Variants in KLHL29 observed in about 807,000 individuals in gnomAD.
The protein encoded by KLHL29 is kelch like family member 29, also known as kelch-like protein 29.
Under a neutral mutation model 80.4 loss-of-function variants are expected in KLHL29, and 21 were observed. That is an observed-to-expected ratio of 0.26 (90% CI 0.19 to 0.38). The LOEUF (loss-of-function observed/expected upper bound fraction) is 0.38, where lower values mean the gene tolerates loss of function less well. KLHL29 is among the 10% of genes least tolerant of loss of function. KLHL29 has a pLI of 1.00. For synonymous variants in KLHL29, 511 were observed against 526.8 expected (o/e 0.97, Z 0.41); for missense variants, 867 against 1,223.9 (o/e 0.71, Z 4.35).
chr2:23,428,024 C>A (rs565494159), intron 1 of KLHL29, among the ~76,000 whole-genome samples: 33 of 152,330 alleles, frequency 2.2e-4, no homozygotes, highest in Non-Finnish European at 1.5e-4. Context: ...GATTAGCCAT[C>A]AGCATGCGTG....
At chr2:23,393,216 G>C (rs1249971994) in intron 1 of KLHL29, among the ~76,000 whole-genome samples, 2 of 152,184 alleles carry the variant, frequency 1.3e-5, no homozygotes, top group African/African-American at 4.8e-5. Context: ...AGACATCAAA[G>C]CTGACTTTTT....
chr2:23,685,526 T>C (rs1671218512), intron 6 of KLHL29: 1 of 152,274 alleles, frequency 6.6e-6, no homozygotes, highest in African/African-American at 2.4e-5. Flanking sequence ...CCGGAGTGAC[T>C]GTGTTTTGTT....
chr2:23,443,668 T>C (rs1223383743), intron 1 of KLHL29, among the ~76,000 whole-genome samples: 1 of 152,244 alleles, frequency 6.6e-6, no homozygotes, highest in East Asian at 1.9e-4. Flanking sequence ...AGATGCAGGT[T>C]ATGCACTTTT....
At chr2:23,677,229 G>A (rs551615072) in intron 5 of KLHL29, among the ~76,000 whole-genome samples, 39 of 152,320 alleles carry the variant, frequency 2.6e-4, no homozygotes, top group Admixed American at 7.2e-4. Flanking sequence ...CTGTAGGCAC[G>A]GAGGGGACCT....
At chr2:23,494,361 T>C (rs1480960072) in intron 2 of KLHL29, among the ~76,000 whole-genome samples, 1 of 152,192 alleles carries the variant, frequency 6.6e-6, no homozygotes, top group Non-Finnish European at 1.5e-5. Context: ...TCTGGGAAGC[T>C]GGGTCAGGCA....
Position 23,702,904 on chromosome 2 carries a change from A to G in KLHL29, c.2106-282A>G, listed in dbSNP as rs536018485. Among the ~76,000 whole-genome samples the G allele has an allele frequency of 9.8e-5, 14 of 142,548 alleles. No individual in the cohort carries two copies. In the South Asian group the frequency reaches 3.0e-3, roughly 30 times the overall value. The allele number at this position is 142,548 out of a possible 152,430, so 93.5% of individuals were successfully genotyped here. A position where few individuals can be genotyped will look rare whatever the true frequency, so the allele number is the denominator to read the frequency against. On this transcript the variant is annotated intron_variant, in intron 11 of 13. Coordinates refer to ENST00000486442, the MANE Select transcript of KLHL29 (RefSeq NM_052920.2). Reference sequence around the variant, plus strand: ...TGAGCTGGATAGAGAGGAGGGGAGCACTGTGTGAGCAAAGGGATGGAGACA... The same window carrying G: ...TGAGCTGGATAGAGAGGAGGGGAGCGCTGTGTGAGCAAAGGGATGGAGACA...
chr2:23,436,838 T>G (rs1340117212), intron 1 of KLHL29, among the ~76,000 whole-genome samples: 1 of 152,218 alleles, frequency 6.6e-6, no homozygotes, highest in Non-Finnish European at 1.5e-5. Flanking sequence ...TGCCTTAGAC[T>G]TGGGAGCTGT....
At chr2:23,428,779 A>T (rs1291678895) in intron 1 of KLHL29, among the ~76,000 whole-genome samples, 1 of 152,214 alleles carries the variant, frequency 6.6e-6, no homozygotes, top group East Asian at 1.9e-4. Flanking sequence ...AAGATTTTAC[A>T]TGATGCAAGG....
chr2:23,488,547 C>T (rs749464367), intron 2 of KLHL29, among the ~76,000 whole-genome samples: 1 of 152,228 alleles, frequency 6.6e-6, no homozygotes, highest in Non-Finnish European at 1.5e-5. Context: ...TGGGTGGGAG[C>T]TGTGCCCAGA....
At chr2:23,450,518 C>T (rs1268530789) in intron 1 of KLHL29, among the ~76,000 whole-genome samples, 3 of 152,032 alleles carry the variant, frequency 2.0e-5, no homozygotes, top group Non-Finnish European at 2.9e-5. Flanking sequence ...TTAGGGGCTG[C>T]CCCCAAGACT....
At chr2:23,699,556 C>A (rs1203414674) in intron 11 of KLHL29, among the ~76,000 whole-genome samples, 2 of 152,210 alleles carry the variant, frequency 1.3e-5, no homozygotes, top group Non-Finnish European at 2.9e-5. Context: ...TCTGCTTTTC[C>A]CAGCAGCTGC....
chr2:23,681,576 G>A lies in KLHL29; in HGVS notation c.941-2823G>A, dbSNP rs946847852. ...ACTGATTAACTCAGCAGGCATGTGGGGCCACATCTGTCACTCTCTGCAGCA... is the reference window on the plus strand; with the variant it reads ...ACTGATTAACTCAGCAGGCATGTGGAGCCACATCTGTCACTCTCTGCAGCA... On this transcript the variant is annotated intron_variant, in intron 5 of 13. Transcript: ENST00000486442. The surrounding 1 kb of genome is among the most constrained non-coding windows in gnomAD (Gnocchi z 4.2). Among the ~76,000 whole-genome samples, 8 of 152,138 alleles carry A rather than the reference G, an allele frequency of 5.3e-5. No individual in the cohort carries two copies. Among genetic ancestry groups the A allele is most frequent in the African/African-American group, 1.7e-4 (7 of 41,426 alleles).
chr2:23,581,090 A>T (rs1332400906), intron 3 of KLHL29, among the ~76,000 whole-genome samples: 6 of 150,754 alleles, frequency 4.0e-5, no homozygotes, highest in South Asian at 2.1e-4. Flanking sequence ...CTGGAGGCTT[A>T]TTTTTTTTTT....
intron 3 of KLHL29, among the ~76,000 whole-genome samples, chr2:23,636,412 A>G (rs940247926): frequency 2.0e-5 from 3 of 152,196 alleles, no homozygotes; most frequent in African/African-American, 7.2e-5. Flanking sequence ...AAAAAAAAAA[A>G]AAGACTTGAT....
chr2:23,408,395 T>A (rs1666784698), intron 1 of KLHL29, among the ~76,000 whole-genome samples: 1 of 151,940 alleles, frequency 6.6e-6, no homozygotes, highest in South Asian at 2.1e-4. Context: ...TTATTGAGTC[T>A]TCTCATTCAG....
rs147845878 is a variant in KLHL29 at position 23,591,180 on chromosome 2, T to G, written c.285+28699T>G. Among the ~76,000 whole-genome samples the G allele has an allele frequency of 1.4e-4, 22 of 152,258 alleles. No individual in the cohort carries two copies. The East Asian group carries it at 4.2e-3, about 29-fold the overall frequency. ...CCATGTGGGTATCTGGACAAGCATG[T>G]TGAGGCCAGGGGTGAAAAGGAGCAA... On this transcript the variant is annotated intron_variant, in intron 3 of 13. Coordinates refer to ENST00000486442, the MANE Select transcript of KLHL29 (RefSeq NM_052920.2).
chr2:23,708,255 A>T lies in KLHL29; in HGVS notation c.*1591A>T, dbSNP rs1672845379. On this transcript the variant is annotated 3_prime_UTR_variant, in exon 14 of 14. Coordinates refer to ENST00000486442, the MANE Select transcript of KLHL29 (RefSeq NM_052920.2). ...TATGCAGTTTTTAATATTATTTATT[A>T]TTTTAAAAAGTAATAAGCACAAAAC... 6.6e-6 allele frequency: 1 copy of T among 152,228 alleles called. No individual in the cohort carries two copies. The highest frequency in any genetic ancestry group is 1.5e-5 in the Non-Finnish European group (1 of 68,034). The allele number at this position is 152,228 out of a possible 1,614,324, so 9.4% of individuals were successfully genotyped here. A position where few individuals can be genotyped will look rare whatever the true frequency, so the allele number is the denominator to read the frequency against.
chr2:23,541,106 A>G (rs1304062371), intron 2 of KLHL29, among the ~76,000 whole-genome samples: 3 of 152,368 alleles, frequency 2.0e-5, no homozygotes, highest in Admixed American at 1.3e-4. Context: ...TGGATCAGAC[A>G]AAATGCAGAT....
At chr2:23,411,893 C>T (rs929362222) in intron 1 of KLHL29, among the ~76,000 whole-genome samples, 4 of 152,100 alleles carry the variant, frequency 2.6e-5, no homozygotes, top group Admixed American at 6.5e-5. Context: ...CCAGAATTTT[C>T]GTCATGGATG....
Sources: gnomAD v4.1 joint callset for allele counts (sites outside exome capture counted in the v4.1 genomes callset) on GRCh38, gnomAD v4.1.1 for gene constraint, Gnocchi (gnomAD v3.1) non-coding constraint, MANE v1.5 for transcripts, NCBI Gene and HGNC (gene_info 2026-07-23, HGNC 2026-07-21) for gene names.